Variants in WWOX observed in about 807,000 individuals in gnomAD.
WWOX encodes WW domain-containing oxidoreductase.
In WWOX, 69 loss-of-function variants were observed where a neutral mutation model predicts 46.2. That is an observed-to-expected ratio of 1.49 (90% confidence interval 1.23 to 1.82). WWOX has a LOEUF of 1.82. Ranked by LOEUF, WWOX falls within the 40% of genes most tolerant of loss-of-function variation. WWOX has a pLI of 0.00. For synonymous variants in WWOX, 359 were observed against 202.6 expected (o/e 1.77, Z -6.56); for missense variants, 919 against 542.6 (o/e 1.69, Z -6.89).
intron 8 of WWOX, among the ~76,000 whole-genome samples, chr16:78,882,143 AC>A (rs1293740623): frequency 4.6e-5 from 7 of 152,152 alleles, no homozygotes; most frequent in African/African-American, 7.2e-5. Context: ...AAAACAAAGA[AC>A]TGACAATAAA....
chr16:78,912,675 C>T (rs1451723987), intron 8 of WWOX, among the ~76,000 whole-genome samples: 1 of 151,994 alleles, frequency 6.6e-6, no homozygotes, highest in East Asian at 1.9e-4. Flanking sequence ...AAGTTCCCCT[C>T]TGTAAAAGGC....
intron 8 of WWOX, among the ~76,000 whole-genome samples, chr16:78,937,581 C>T (rs1351670767): frequency 6.7e-6 from 1 of 149,450 alleles, no homozygotes; most frequent in Admixed American, 6.7e-5. Flanking sequence ...AGGCATCTGC[C>T]ACCGTGCCCA....
At chr16:78,421,953 A>G (rs1048405597) in intron 6 of WWOX, among the ~76,000 whole-genome samples, 4 of 152,204 alleles carry the variant, frequency 2.6e-5, no homozygotes, top group African/African-American at 9.6e-5. Flanking sequence ...AGGGTGCAGG[A>G]ATATATATTC....
intron 8 of WWOX, among the ~76,000 whole-genome samples, chr16:78,611,592 C>G (rs538974029): frequency 6.6e-6 from 1 of 152,158 alleles, no homozygotes; most frequent in African/African-American, 2.4e-5. Context: ...GTCTCAATTT[C>G]AGAGAGTTAT....
At chr16:78,458,622 G>T (rs899306627) in intron 8 of WWOX, among the ~76,000 whole-genome samples, 5 of 151,782 alleles carry the variant, frequency 3.3e-5, no homozygotes, top group Non-Finnish European at 5.9e-5. Flanking sequence ...AGCATATGTG[G>T]TCATTTAAAA....
chr16:78,365,833 T>C (rs1248542985), intron 5 of WWOX, among the ~76,000 whole-genome samples: 1 of 152,314 alleles, frequency 6.6e-6, no homozygotes, highest in African/African-American at 2.4e-5. Flanking sequence ...TGCAACTCTC[T>C]TTTCTCCAGT....
At chr16:78,930,906 G>A (rs1222024606) in intron 8 of WWOX, among the ~76,000 whole-genome samples, 2 of 152,124 alleles carry the variant, frequency 1.3e-5, no homozygotes, top group African/African-American at 4.8e-5. Context: ...TGGTCAATTA[G>A]TTCTGGGTTC....
intron 8 of WWOX, among the ~76,000 whole-genome samples, chr16:79,033,698 C>T (rs2047810679): frequency 6.6e-6 from 1 of 152,206 alleles, no homozygotes; most frequent in Admixed American, 6.5e-5. Context: ...GCTGTACCCA[C>T]AGAACACTGG....
intron 8 of WWOX, chr16:78,825,712 G>T (rs948035409): frequency 7.2e-6 from 4 of 559,078 alleles, no homozygotes; most frequent in South Asian, 6.7e-5. Flanking sequence ...TGAGGACAGA[G>T]GGTCAAATCC....
At chr16:78,391,792 A>T (rs1353551026) in intron 6 of WWOX, among the ~76,000 whole-genome samples, 1 of 152,158 alleles carries the variant, frequency 6.6e-6, no homozygotes, top group Admixed American at 6.5e-5. Flanking sequence ...CAGAGGTTGC[A>T]GTGAGCCGAG....
chr16:78,455,830 A>T (rs2083804991), intron 8 of WWOX, among the ~76,000 whole-genome samples: 1 of 151,470 alleles, frequency 6.6e-6, no homozygotes, highest in African/African-American at 2.4e-5. Flanking sequence ...CTCATGTTAA[A>T]GTTGATGATG....
At chr16:79,127,713 G>C (rs1441127818) in intron 8 of WWOX, among the ~76,000 whole-genome samples, 2 of 152,130 alleles carry the variant, frequency 1.3e-5, no homozygotes, top group African/African-American at 2.4e-5. Context: ...AGGTTGTTCT[G>C]ATTTACATTC....
Position 78,318,274 on chromosome 16 carries a change from T to G in WWOX, c.517-68586T>G, listed in dbSNP as rs1294432713. Among the ~76,000 whole-genome samples the G allele has an allele frequency of 3.9e-5, 5 of 127,050 alleles. No homozygotes were observed. In the East Asian group the frequency reaches 9.3e-4, roughly 24 times the overall value. 83.3% of individuals were successfully genotyped at this position (127,050 alleles called of 152,430 possible). On this transcript the variant is annotated intron_variant, in intron 5 of 8. Transcript: ENST00000566780. The stretch of plus-strand genomic sequence containing the variant: ...TAGGAGCCCTCCGTCTGGGAGGAAT[T>G]TTTTTTTTTTTTTTTGGTATATCTG...
intron 8 of WWOX, among the ~76,000 whole-genome samples, chr16:78,969,853 A>G (rs1031109938): frequency 6.6e-6 from 1 of 152,148 alleles, no homozygotes; most frequent in Non-Finnish European, 1.5e-5. Context: ...TGGGGCGTGG[A>G]TGGAGGCATT....
chr16:78,174,328 A>C (rs2035261752), intron 5 of WWOX, among the ~76,000 whole-genome samples: 1 of 152,166 alleles, frequency 6.6e-6, no homozygotes, highest in Non-Finnish European at 1.5e-5. Flanking sequence ...AGATCTCTTG[A>C]GACTTATTCA....
chr16:79,110,709 C>T (rs553908069), intron 8 of WWOX: 1 of 152,256 alleles, frequency 6.6e-6, no homozygotes, highest in South Asian at 2.1e-4. Context: ...CCACTTTCAA[C>T]AATTCTGAAG....
chr16:79,129,877 C>A (rs1487142069), intron 8 of WWOX, among the ~76,000 whole-genome samples: 11 of 152,182 alleles, frequency 7.2e-5, no homozygotes, highest in Non-Finnish European at 1.0e-4. Flanking sequence ...AGGGGTCAGG[C>A]TCCCTGGAGT....
intron 8 of WWOX, among the ~76,000 whole-genome samples, chr16:78,900,470 T>C (rs2044803080): frequency 6.6e-6 from 1 of 152,194 alleles, no homozygotes; most frequent in Non-Finnish European, 1.5e-5. Flanking sequence ...CATGAAACAG[T>C]GAAGATCCTG....
intron 8 of WWOX, among the ~76,000 whole-genome samples, chr16:78,874,337 G>C (rs1374684684): frequency 6.6e-6 from 1 of 152,070 alleles, no homozygotes; most frequent in African/African-American, 2.4e-5. Flanking sequence ...GCTGCATCCT[G>C]AACAGACATG....
Sources: gnomAD v4.1 joint callset for allele counts (sites outside exome capture counted in the v4.1 genomes callset) on GRCh38, gnomAD v4.1.1 for gene constraint, MANE v1.5 for transcripts, NCBI Gene and HGNC (gene_info 2026-07-23, HGNC 2026-07-21) for gene names.